The following CDH13 variants were observed in gnomAD, a reference collection of about 807,000 sequenced individuals.
CDH13 encodes the protein cadherin-13.
CDH13 carries 24 observed loss-of-function variants against 63.8 expected under a neutral mutation model. The observed-to-expected ratio is 0.38, with a 90% CI of 0.27 to 0.53. CDH13 has a LOEUF of 0.53. CDH13 is among the 20% of genes least tolerant of loss of function. The pLI is 0.85. For synonymous variants in CDH13, 503 were observed against 355.3 expected, an observed-to-expected ratio of 1.42 and a Z score of -4.67; for missense variants, 1,049 against 903.1, an observed-to-expected ratio of 1.16 and a Z score of -2.07.
chr16:82,865,275 C>A (rs1330306490), intron 2 of CDH13, among the ~76,000 whole-genome samples: 3 of 152,202 alleles, frequency 2.0e-5, no homozygotes, highest in Admixed American at 6.5e-5. Context: ...TAGGCTGTGC[C>A]CCAGTGGGGA....
intron 1 of CDH13, among the ~76,000 whole-genome samples, chr16:82,680,722 C>A (rs552075784): frequency 1.3e-5 from 2 of 152,198 alleles, no homozygotes; most frequent in Admixed American, 1.3e-4. Context: ...CTGGGGAAAA[C>A]TAACGAAGGA....
chr16:83,456,892 G>T (rs374743312), intron 6 of CDH13, among the ~76,000 whole-genome samples: 3 of 152,200 alleles, frequency 2.0e-5, no homozygotes, highest in Non-Finnish European at 4.4e-5. Flanking sequence ...AACCTGGGAG[G>T]CGGATGTTGC....
intron 1 of CDH13, among the ~76,000 whole-genome samples, chr16:82,735,120 A>G (rs2033606972): frequency 6.6e-6 from 1 of 152,216 alleles, no homozygotes; most frequent in African/African-American, 2.4e-5. Flanking sequence ...AGATCACCTT[A>G]AAGGAGCAAA....
At chr16:83,739,117 ACT>A (rs1256798221) in intron 10 of CDH13, among the ~76,000 whole-genome samples, 2 of 152,104 alleles carry the variant, frequency 1.3e-5, no homozygotes, top group Non-Finnish European at 2.9e-5. Flanking sequence ...GAGGGCTCCC[ACT>A]CTCTTAGCTG....
chr16:83,450,258 C>T lies in CDH13; in HGVS notation c.782-36219C>T, dbSNP rs1377208211. ...AAGCCTGGATGTTCTCTCTTAGCTGCTTAGGCTCTGCCCCTCAAAAGCGGA... is the reference window on the plus strand; with the variant it reads ...AAGCCTGGATGTTCTCTCTTAGCTGTTTAGGCTCTGCCCCTCAAAAGCGGA... On this transcript the variant is annotated intron_variant, in intron 6 of 13. Transcript: ENST00000567109. 2.6e-5 allele frequency among the ~76,000 whole-genome samples: 4 copies of T among 152,238 alleles called. No individual in the cohort carries two copies. The South Asian group carries it at 8.3e-4, about 32-fold the overall frequency.
At chr16:82,777,527 T>G (rs1397364385) in intron 1 of CDH13, among the ~76,000 whole-genome samples, 1 of 152,242 alleles carries the variant, frequency 6.6e-6, no homozygotes, top group East Asian at 1.9e-4. Flanking sequence ...GCCTTGTCTT[T>G]TGTGACAGTT....
intron 10 of CDH13, among the ~76,000 whole-genome samples, chr16:83,731,443 G>C (rs1598607784): frequency 6.6e-6 from 1 of 152,140 alleles, no homozygotes; most frequent in Non-Finnish European, 1.5e-5. Flanking sequence ...TCATATGTTT[G>C]TTGACCGCAC....
intron 3 of CDH13, among the ~76,000 whole-genome samples, chr16:83,117,833 G>GT (rs904273876): frequency 1.3e-5 from 2 of 149,256 alleles, no homozygotes; most frequent in African/African-American, 4.9e-5. Context: ...CTTTATTTCT[G>GT]ATATGTGTTC....
At chr16:82,998,661 G>A (rs1454736330) in intron 2 of CDH13, among the ~76,000 whole-genome samples, 1 of 152,094 alleles carries the variant, frequency 6.6e-6, no homozygotes, top group African/African-American at 2.4e-5. Context: ...TGAATTAGCA[G>A]ACATTGATCT....
chr16:83,508,046 A>G (rs1204654857), intron 7 of CDH13, among the ~76,000 whole-genome samples: 2 of 129,532 alleles, frequency 1.5e-5, no homozygotes, highest in Non-Finnish European at 3.2e-5. Flanking sequence ...AAAGAAAGAG[A>G]GAAAGAGAAG....
chr16:83,060,956 C>T (rs1244418301), intron 3 of CDH13, among the ~76,000 whole-genome samples: 1 of 152,166 alleles, frequency 6.6e-6, no homozygotes, highest in Non-Finnish European at 1.5e-5. Context: ...GGCTCTTCCC[C>T]TCAATGGCTA....
chr16:83,268,473 G>A (rs889140814), intron 5 of CDH13, among the ~76,000 whole-genome samples: 28 of 152,098 alleles, frequency 1.8e-4, no homozygotes, highest in Non-Finnish European at 7.3e-5. Context: ...ATACACAATT[G>A]GATAGGTACT....
In CDH13 at chr16:83,501,342, G is replaced by A. The variant is rs967060392; in HGVS notation, c.960+14687G>A. Among the ~76,000 whole-genome samples, 7 of 152,132 alleles carry A rather than the reference G, an allele frequency of 4.6e-5. No individual in the cohort carries two copies. In the East Asian group the frequency reaches 7.7e-4, roughly 17 times the overall value. On this transcript the variant is annotated intron_variant, in intron 7 of 13. Transcript: ENST00000567109. ...AATTCTTTTAGGTATTTTCTCTCCC[G>A]TGTCTTCTAAATTGTTGTGTGGGCT...
chr16:83,182,698 T>G (rs1250998804), intron 4 of CDH13, among the ~76,000 whole-genome samples: 1 of 152,254 alleles, frequency 6.6e-6, no homozygotes, highest in Non-Finnish European at 1.5e-5. Flanking sequence ...TTACTTGTAT[T>G]TTCTCATTTA....
Position 82,806,491 on chromosome 16 carries a change from T to TTTTTG in CDH13, c.46-51851_46-51847dup, listed in dbSNP as rs551257515. ...TTTTTGTTATTCTTGAGCTCTCTGT[T>TTTTTG]TTTTGTTTTGTTTTGTTTTGTTTTT... On this transcript the variant is annotated intron_variant, in intron 1 of 13. Transcript: ENST00000567109. 2.3e-3 allele frequency among the ~76,000 whole-genome samples: 349 copies of TTTTTG among 152,332 alleles called. 1 individual carries two copies. Among genetic ancestry groups the TTTTTG allele is most frequent in the African/African-American group, 8.1e-3 (338 of 41,574 alleles).
intron 6 of CDH13, among the ~76,000 whole-genome samples, chr16:83,485,490 T>G (rs2073865311): frequency 6.6e-6 from 1 of 152,182 alleles, no homozygotes. Context: ...GTTACCCTCA[T>G]TTTATATTGG....
intron 3 of CDH13, among the ~76,000 whole-genome samples, chr16:83,035,317 G>A (rs766626148): frequency 7.2e-5 from 11 of 152,134 alleles, no homozygotes; most frequent in Non-Finnish European, 1.5e-4. Flanking sequence ...TGGGTACCAG[G>A]CGGGGAGCTA....
chr16:82,804,920 C>T (rs2037070196), intron 1 of CDH13, among the ~76,000 whole-genome samples: 1 of 152,136 alleles, frequency 6.6e-6, no homozygotes, highest in South Asian at 2.1e-4. Flanking sequence ...TATCTAAATT[C>T]ATATTTTCAT....
chr16:83,323,107 C>T (rs766984435), intron 5 of CDH13, among the ~76,000 whole-genome samples: 13 of 152,012 alleles, frequency 8.6e-5, no homozygotes, highest in Non-Finnish European at 1.8e-4. Context: ...AATCAATCAG[C>T]TACACCTGTG....
Sources: gnomAD v4.1 joint callset for allele counts (sites outside exome capture counted in the v4.1 genomes callset) on GRCh38, gnomAD v4.1.1 for gene constraint, MANE v1.5 for transcripts, NCBI Gene and HGNC (gene_info 2026-07-23, HGNC 2026-07-21) for gene names.